RSPO3: variants seen among roughly 807,000 people sequenced by gnomAD.
RSPO3 encodes R-spondin-3.
In RSPO3, 17 loss-of-function variants were observed where a neutral mutation model predicts 36.5. That is an observed-to-expected ratio of 0.47 (90% CI 0.32 to 0.70). RSPO3 has a LOEUF of 0.70. Ranked by LOEUF, RSPO3 falls within the 30% of genes least tolerant of loss-of-function variation. The probability of loss-of-function intolerance (pLI) is 0.04; values close to 1 mark genes in which losing one functional copy is unlikely to be tolerated. For missense variants in RSPO3, 294 were observed against 322.5 expected (o/e 0.91, Z 0.68); for synonymous variants, 108 against 107.0 (o/e 1.01, Z -0.06).
At chr6:127,145,537 A>G (rs1327535726) in intron 1 of RSPO3, among the ~76,000 whole-genome samples, 2 of 152,138 alleles carry the variant, frequency 1.3e-5, no homozygotes, top group African/African-American at 4.8e-5. Context: ...GTTATTCCTT[A>G]TATCTTCATT....
At chr6:127,182,226 C>T (rs1480031818) in intron 4 of RSPO3, among the ~76,000 whole-genome samples, 3 of 151,832 alleles carry the variant, frequency 2.0e-5, no homozygotes. Context: ...TCCAATGACT[C>T]CCAAACACCT....
intron 4 of RSPO3, among the ~76,000 whole-genome samples, chr6:127,191,823 C>T (rs1157895923): frequency 6.6e-6 from 1 of 152,218 alleles, no homozygotes; most frequent in Non-Finnish European, 1.5e-5. Flanking sequence ...TCAATACTTG[C>T]CCTTCTCTAG....
intron 1 of RSPO3, among the ~76,000 whole-genome samples, chr6:127,137,408 A>G (rs1246548846): frequency 1.3e-5 from 2 of 152,118 alleles, no homozygotes; most frequent in Non-Finnish European, 2.9e-5. Context: ...AAATAAATAA[A>G]TATCATTATA....
At chr6:127,140,155 G>T (rs1051735182) in intron 1 of RSPO3, among the ~76,000 whole-genome samples, 3 of 152,056 alleles carry the variant, frequency 2.0e-5, no homozygotes, top group African/African-American at 7.2e-5. Flanking sequence ...TAAATTAGAA[G>T]TAAAAAGCAC....
At chr6:127,127,599 C>A (rs547748247) in intron 1 of RSPO3, among the ~76,000 whole-genome samples, 147 of 152,138 alleles carry the variant, frequency 9.7e-4, no homozygotes, top group Middle Eastern at 3.4e-3. Flanking sequence ...GATCTTCATA[C>A]CCACCTGTAA....
intron 1 of RSPO3, among the ~76,000 whole-genome samples, chr6:127,122,712 G>A (rs1773868828): frequency 6.6e-6 from 1 of 152,158 alleles, no homozygotes; most frequent in Non-Finnish European, 1.5e-5. Context: ...AATAGGTTTA[G>A]AGAATAAACT....
At chr6:127,175,343 G>A (rs545979716) in intron 4 of RSPO3, among the ~76,000 whole-genome samples, 2 of 151,654 alleles carry the variant, frequency 1.3e-5, no homozygotes, top group South Asian at 2.1e-4. Flanking sequence ...AGCATCTTGC[G>A]GAATATTGAA....
intron 1 of RSPO3, among the ~76,000 whole-genome samples, chr6:127,127,165 A>G (rs1190968927): frequency 2.0e-5 from 3 of 152,084 alleles, no homozygotes; most frequent in Non-Finnish European, 4.4e-5. Flanking sequence ...ACCACACAAT[A>G]TAAAATAACA....
At chr6:127,167,084 C>CT (rs1215948686) in intron 4 of RSPO3, among the ~76,000 whole-genome samples, 1 of 151,854 alleles carries the variant, frequency 6.6e-6, no homozygotes, top group Non-Finnish European at 1.5e-5. Flanking sequence ...TTTTGCTTTT[C>CT]TTTTTTTATA....
chr6:127,169,268 T>G (rs1774888575), intron 4 of RSPO3, among the ~76,000 whole-genome samples: 1 of 151,890 alleles, frequency 6.6e-6, no homozygotes, highest in Non-Finnish European at 1.5e-5. Flanking sequence ...TTACAACTTC[T>G]CCTTCTCAGA....
At chr6:127,166,699 T>A (rs1774827722) in intron 4 of RSPO3, among the ~76,000 whole-genome samples, 1 of 152,000 alleles carries the variant, frequency 6.6e-6, no homozygotes, top group Non-Finnish European at 1.5e-5. Context: ...GTGAATATTT[T>A]AAATATTAAT....
intron 4 of RSPO3, among the ~76,000 whole-genome samples, chr6:127,181,192 T>TC (rs1250875534): frequency 6.6e-6 from 1 of 151,840 alleles, no homozygotes; most frequent in African/African-American, 2.4e-5. Flanking sequence ...ACTGCATCCC[T>TC]CCTCACCTGC....
Position 127,197,293 on chromosome 6 carries a change from G to C in RSPO3, c.*1286G>C, listed in dbSNP as rs1775534181. 5.5e-6 allele frequency: 6 copies of C among 1,085,970 alleles called. No individual in the cohort carries two copies. The highest frequency in any genetic ancestry group is 7.8e-6 in the Non-Finnish European group (6 of 771,690). The allele number at this position is 1,085,970 out of a possible 1,614,324, so 67.3% of individuals were successfully genotyped here. A position where few individuals can be genotyped will look rare whatever the true frequency, so the allele number is the denominator to read the frequency against. Reference sequence around the variant, plus strand: ...CAACATTCTAATTATAGACACATGGGCCTCCCTAGCTGATTTCACTGCTCC... The same window carrying C: ...CAACATTCTAATTATAGACACATGGCCCTCCCTAGCTGATTTCACTGCTCC... On this transcript the variant is annotated 3_prime_UTR_variant, in exon 5 of 5. Transcript: ENST00000356698.
chr6:127,132,162 C>G (rs920339318), intron 1 of RSPO3, among the ~76,000 whole-genome samples: 2 of 152,012 alleles, frequency 1.3e-5, no homozygotes, highest in Non-Finnish European at 2.9e-5. Context: ...AGGATTCATT[C>G]TGACAAACTG....
chr6:127,148,518 AT>A, intron 1 of RSPO3, 129 bp from the exon 2 acceptor site: 1 of 588,542 alleles, frequency 1.7e-6, no homozygotes, highest in Non-Finnish European at 2.8e-6. Context: ...AGGAAAAAAA[AT>A]CCCACCTCAT....
intron 4 of RSPO3, among the ~76,000 whole-genome samples, chr6:127,194,750 C>T (rs1775479153): frequency 6.6e-6 from 1 of 152,062 alleles, no homozygotes; most frequent in Admixed American, 6.5e-5. Flanking sequence ...ATGTTGATTC[C>T]ACTTTTAAAA....
intron 4 of RSPO3, among the ~76,000 whole-genome samples, chr6:127,190,813 T>C (rs1775394909): frequency 6.6e-6 from 1 of 152,210 alleles, no homozygotes; most frequent in African/African-American, 2.4e-5. Flanking sequence ...GCAGCTTTTA[T>C]GAAGACCTAT....
At chr6:127,123,860 G>A (rs1773891028) in intron 1 of RSPO3, among the ~76,000 whole-genome samples, 1 of 151,950 alleles carries the variant, frequency 6.6e-6, no homozygotes, top group Non-Finnish European at 1.5e-5. Context: ...AGCAATGAAT[G>A]GAAATTACAA....
intron 4 of RSPO3, among the ~76,000 whole-genome samples, chr6:127,188,470 AG>A (rs547683522): frequency 6.9e-4 from 105 of 152,216 alleles, no homozygotes; most frequent in African/African-American, 2.5e-3. Context: ...TTTAGTATTA[AG>A]TATAACAAAA....
Sources: allele counts gnomAD v4.1 joint callset (sites outside exome capture counted in the v4.1 genomes callset), GRCh38; gene constraint gnomAD v4.1.1; transcripts MANE v1.5; gene names NCBI Gene and HGNC (gene_info 2026-07-23, HGNC 2026-07-21).